DTWD2: variants seen among roughly 807,000 people sequenced by gnomAD.
DTWD2 encodes the protein DTW motif tRNA-uridine aminocarboxypropyltransferase 2.
A neutral mutation model predicts 31.8 loss-of-function variants in DTWD2; 39 were observed. The ratio of observed to expected loss-of-function variants is 1.22; its 90% confidence interval spans 0.95 to 1.60. The LOEUF is 1.60. Among genes scored for constraint, DTWD2 ranks in the 40% most tolerant of loss-of-function variants. The probability of loss-of-function intolerance (pLI) is 0.00; values close to 1 mark genes in which losing one functional copy is unlikely to be tolerated. For missense variants in DTWD2, 515 were observed against 381.5 expected (o/e 1.35, Z -2.92); for synonymous variants, 180 against 142.8 (o/e 1.26, Z -1.86).
intron 4 of DTWD2, among the ~76,000 whole-genome samples, chr5:118,861,825 G>C (rs989025494): frequency 6.6e-5 from 10 of 152,172 alleles, no homozygotes; most frequent in African/African-American, 2.4e-4. Flanking sequence ...GACTGATAGA[G>C]AGTAACTGGA....
At chr5:118,875,101 T>C (rs750369944) in intron 4 of DTWD2, among the ~76,000 whole-genome samples, 3 of 152,034 alleles carry the variant, frequency 2.0e-5, no homozygotes, top group Non-Finnish European at 4.4e-5. Context: ...ATTTCATAAC[T>C]ACCAAACTAA....
chr5:118,979,926 G>A (rs550074147), intron 1 of DTWD2, among the ~76,000 whole-genome samples: 2 of 152,326 alleles, frequency 1.3e-5, no homozygotes, highest in African/African-American at 4.8e-5. Context: ...GGGTTGATCT[G>A]TGCAGCAAAC....
intron 4 of DTWD2, among the ~76,000 whole-genome samples, chr5:118,858,796 C>T (rs545039534): frequency 6.6e-6 from 1 of 152,250 alleles, no homozygotes; most frequent in East Asian, 1.9e-4. Context: ...CTAGTATCAT[C>T]AAACAAATTT....
intron 4 of DTWD2, among the ~76,000 whole-genome samples, chr5:118,878,321 C>G (rs1398714577): frequency 1.3e-5 from 2 of 152,024 alleles, no homozygotes; most frequent in African/African-American, 4.8e-5. Context: ...GACACATAAA[C>G]CAATGGAACA....
chr5:118,962,310 T>A (rs988825501), intron 1 of DTWD2, among the ~76,000 whole-genome samples: 2 of 152,200 alleles, frequency 1.3e-5, no homozygotes, highest in Non-Finnish European at 2.9e-5. Flanking sequence ...TACATTACTA[T>A]ATAAGAGAAT....
chr5:118,972,435 C>A (rs1755008192), intron 1 of DTWD2, among the ~76,000 whole-genome samples: 1 of 152,100 alleles, frequency 6.6e-6, no homozygotes, highest in Non-Finnish European at 1.5e-5. Flanking sequence ...AAATTGAGTA[C>A]TTGAATAGAC....
chr5:118,927,723 G>A (rs946291994), intron 4 of DTWD2, among the ~76,000 whole-genome samples: 2 of 151,850 alleles, frequency 1.3e-5, no homozygotes, highest in African/African-American at 4.8e-5. Context: ...CCTTAGAAGA[G>A]TTTGAAAGAA....
intron 1 of DTWD2, among the ~76,000 whole-genome samples, chr5:118,973,610 TCCTTGCTCGCGGCA>T (rs1561477958): frequency 4.2e-4 from 10 of 23,792 alleles, no homozygotes; most frequent in East Asian, 0.083. Flanking sequence ...CTCGTCCGCC[TCCTTGCTCGCGGCA>T]GCCTCCTTGC....
At chr5:118,870,685 T>C (rs1231604231) in intron 4 of DTWD2, among the ~76,000 whole-genome samples, 1 of 152,188 alleles carries the variant, frequency 6.6e-6, no homozygotes, top group East Asian at 1.9e-4. Flanking sequence ...TGCTAACTGA[T>C]CAGAGTGGAG....
chr5:118,950,001 G>T (rs1754424713), intron 1 of DTWD2, among the ~76,000 whole-genome samples: 1 of 152,084 alleles, frequency 6.6e-6, no homozygotes, highest in Non-Finnish European at 1.5e-5. Context: ...ACGAGGTCAG[G>T]AGATCGAGAC....
Position 118,973,752 on chromosome 5 carries a change from C to T in DTWD2, c.218+14542G>A, listed in dbSNP as rs1304386878. ...TATCGCCAGAGTCCCTGAACTCTCG[C>T]TTTCTTTTTAATCGCCTGCATCGGA... On this transcript the variant is annotated intron_variant, in intron 1 of 5. Coordinates refer to ENST00000510708, the MANE Select transcript of DTWD2 (RefSeq NM_173666.4). 5.6e-6 allele frequency: 9 copies of T among 1,607,604 alleles called. No individual in the cohort carries two copies. In the Admixed American group the frequency reaches 1.5e-4, roughly 27 times the overall value.
chr5:118,941,640 C>T (rs1447800589), intron 2 of DTWD2, among the ~76,000 whole-genome samples: 7 of 152,160 alleles, frequency 4.6e-5, no homozygotes, highest in Non-Finnish European at 1.0e-4. Context: ...AATAAACATA[C>T]GTGTGCATGT....
At position 118,963,699 on chromosome 5, in the gene DTWD2, CAG is replaced by C. The variant is rs1338704997; in HGVS notation, c.219-19052_219-19051del. Among the ~76,000 whole-genome samples, 9 of 152,276 alleles carry C rather than the reference CAG, an allele frequency of 5.9e-5. No homozygotes were observed. The East Asian group carries it at 1.7e-3, about 29-fold the overall frequency. ...AAAAATTCATTGCCGAGTGATGGCA[CAG>C]AGAGAAGCCAGGTACTAAAGAGTAG... On this transcript the variant is annotated intron_variant, in intron 1 of 5. Coordinates refer to ENST00000510708, the MANE Select transcript of DTWD2 (RefSeq NM_173666.4).
intron 4 of DTWD2, among the ~76,000 whole-genome samples, chr5:118,927,441 G>C (rs1305644724): frequency 1.3e-5 from 2 of 151,888 alleles, no homozygotes; most frequent in South Asian, 4.2e-4. Flanking sequence ...CAACCTAAAA[G>C]CTTATATTTT....
intron 1 of DTWD2, among the ~76,000 whole-genome samples, chr5:118,947,179 G>A (rs1002118446): frequency 2.0e-5 from 3 of 152,138 alleles, no homozygotes; most frequent in African/African-American, 7.2e-5. Context: ...AAAACTCCAT[G>A]GGGCCCCCCG....
chr5:118,837,158 AG>A lies in DTWD2; in HGVS notation c.*3758del, dbSNP rs1487720917. 1.3e-5 allele frequency among the ~76,000 whole-genome samples: 2 copies of A among 152,192 alleles called. No individual in the cohort carries two copies. Among genetic ancestry groups the A allele is most frequent in the African/African-American group, 4.8e-5 (2 of 41,446 alleles). ...ACAATGTAGGTGATGAAAGAGGGAG[AG>A]GAAGACCCTGGGAAGGAGGAAGAAA... On this transcript the variant is annotated 3_prime_UTR_variant, in exon 6 of 6. Coordinates refer to ENST00000510708, the MANE Select transcript of DTWD2 (RefSeq NM_173666.4).
chr5:118,920,519 G>C (rs1291259507), intron 4 of DTWD2, among the ~76,000 whole-genome samples: 1 of 152,026 alleles, frequency 6.6e-6, no homozygotes, highest in East Asian at 1.9e-4. Context: ...TCATTTTGTT[G>C]AAATACCTAG....
rs1184721374 is a variant in DTWD2, at chr5:118,939,310, T to C, written c.310-20A>G. ...GTTTTCCTTTAATTAAAAAATGAAT[T>C]GAAACATAGATTTTTACTTAGATAT... On this transcript the variant is annotated intron_variant, in intron 2 of 5. Transcript: ENST00000510708. The C allele has an allele frequency of 1.3e-6, 2 of 1,541,236 alleles. No homozygotes were observed. The highest frequency in any genetic ancestry group is 1.8e-6 in the Non-Finnish European group (2 of 1,142,152).
chr5:118,939,398 G>A (rs980282816), intron 2 of DTWD2, 108 bp from the exon 3 acceptor site: 6 of 979,126 alleles, frequency 6.1e-6, no homozygotes, highest in Admixed American at 3.6e-5. Flanking sequence ...ACTTTCACAA[G>A]TCTTTTACTA....
Sources: allele counts gnomAD v4.1 joint callset (sites outside exome capture counted in the v4.1 genomes callset), GRCh38; gene constraint gnomAD v4.1.1; transcripts MANE v1.5; gene names NCBI Gene and HGNC (gene_info 2026-07-23, HGNC 2026-07-21).